CCDC178: variants seen among roughly 807,000 people sequenced by gnomAD.
CCDC178 encodes the protein coiled-coil domain containing 178.
In CCDC178, 126 loss-of-function variants were observed where a neutral mutation model predicts 117.4. The ratio of observed to expected loss-of-function variants is 1.07; its 90% CI spans 0.93 to 1.24. CCDC178 has a LOEUF of 1.24. Ranked by LOEUF, CCDC178 falls within the 50% of genes most tolerant of loss-of-function variation. CCDC178 has a pLI of 0.00. For missense variants in CCDC178, 1,030 were observed against 986.9 expected (o/e 1.04, Z -0.59); for synonymous variants, 283 against 313.4 (o/e 0.90, Z 1.02).
intron 14 of CCDC178, among the ~76,000 whole-genome samples, chr18:33,254,297 C>A (rs2059653203): frequency 6.9e-6 from 1 of 144,504 alleles, no homozygotes; most frequent in African/African-American, 2.6e-5. Flanking sequence ...CACACACACA[C>A]ACAGATACAT....
intron 9 of CCDC178, among the ~76,000 whole-genome samples, chr18:33,336,906 T>C (rs2062747913): frequency 6.6e-6 from 1 of 152,122 alleles, no homozygotes; most frequent in Non-Finnish European, 1.5e-5. Context: ...ACATGAATTT[T>C]AGGATTGCTT....
rs760813652 is a variant in CCDC178, at chr18:33,215,698, G to GA, written c.1933-4dup. 2.9e-5 allele frequency: 44 copies of GA among 1,500,566 alleles called. No homozygotes were observed. The highest frequency in any genetic ancestry group is 1.7e-4 in the Middle Eastern group (1 of 5,734). 93.0% of individuals were successfully genotyped at this position (1,500,566 alleles called of 1,614,324 possible). A position where few individuals can be genotyped will look rare whatever the true frequency, so the allele number is the denominator to read the frequency against. Reference sequence around the variant, plus strand: ...TTAAAAATTGCTGAGCGTTTACTCTGAAAAAAAATATACACAAGTGTTTAT... The same window carrying GA: ...TTAAAAATTGCTGAGCGTTTACTCTGAAAAAAAAATATACACAAGTGTTTAT... On this transcript the variant is annotated splice_polypyrimidine_tract_variant and splice_region_variant and intron_variant, in intron 18 of 22. Transcript: ENST00000383096.
chr18:33,359,830 G>A (rs1472742982), intron 6 of CCDC178, among the ~76,000 whole-genome samples: 1 of 151,276 alleles, frequency 6.6e-6, no homozygotes, highest in African/African-American at 2.4e-5. Context: ...CATTATGGGG[G>A]AAATGAAACA....
intron 7 of CCDC178, among the ~76,000 whole-genome samples, chr18:33,349,839 A>G (rs967306422): frequency 1.3e-5 from 2 of 151,832 alleles, no homozygotes; most frequent in African/African-American, 4.8e-5. Context: ...GAATAGTCTA[A>G]TGATATTTTA....
intron 21 of CCDC178, among the ~76,000 whole-genome samples, chr18:33,041,775 T>A (rs910404998): frequency 3.3e-5 from 5 of 151,716 alleles, no homozygotes; most frequent in African/African-American, 1.2e-4. Context: ...GAAGAATTGA[T>A]TGGAAAGGTA....
intron 20 of CCDC178, among the ~76,000 whole-genome samples, chr18:33,187,223 C>T (rs2058807175): frequency 6.6e-6 from 1 of 152,032 alleles, no homozygotes; most frequent in Admixed American, 6.6e-5. Context: ...TCCATCATCT[C>T]CCATCAGGTC....
chr18:32,944,157 T>C (rs1365948653), intron 22 of CCDC178, among the ~76,000 whole-genome samples: 1 of 152,156 alleles, frequency 6.6e-6, no homozygotes, highest in Admixed American at 6.5e-5. Flanking sequence ...ATAACTAGTT[T>C]ATCACAACAC....
chr18:33,246,930 T>C (rs927908705), intron 14 of CCDC178, among the ~76,000 whole-genome samples: 8 of 151,874 alleles, frequency 5.3e-5, no homozygotes, highest in African/African-American at 1.9e-4. Context: ...AAGATGACCA[T>C]AAATGGAAGA....
At chr18:33,271,074 C>T (rs993612172) in intron 12 of CCDC178, among the ~76,000 whole-genome samples, 2 of 151,252 alleles carry the variant, frequency 1.3e-5, no homozygotes, top group African/African-American at 4.8e-5. Context: ...GTGAATTCCA[C>T]TCCTAGGGCA....
At chr18:33,193,745 T>G (rs948527560) in intron 20 of CCDC178, among the ~76,000 whole-genome samples, 6 of 152,246 alleles carry the variant, frequency 3.9e-5, no homozygotes, top group Non-Finnish European at 5.9e-5. Context: ...TTATACTACC[T>G]TTTCTTGATT....
chr18:33,075,287 T>C (rs867396529), intron 21 of CCDC178, among the ~76,000 whole-genome samples: 1 of 152,330 alleles, frequency 6.6e-6, no homozygotes, highest in South Asian at 2.1e-4. Flanking sequence ...CTCCATTTAA[T>C]TTGAATATAT....
chr18:33,380,082 A>T (rs1473387557), intron 5 of CCDC178, among the ~76,000 whole-genome samples: 1 of 152,120 alleles, frequency 6.6e-6, no homozygotes, highest in Admixed American at 6.5e-5. Flanking sequence ...TGGAGTGCAG[A>T]GGGTCCTGCT....
intron 21 of CCDC178, among the ~76,000 whole-genome samples, chr18:33,072,587 A>G (rs1374026680): frequency 6.6e-6 from 1 of 152,194 alleles, no homozygotes; most frequent in Non-Finnish European, 1.5e-5. Context: ...TTGACTTAAG[A>G]TGTCCTTAAT....
chr18:33,237,212 A>T (rs1378050486), intron 15 of CCDC178, among the ~76,000 whole-genome samples: 1 of 152,058 alleles, frequency 6.6e-6, no homozygotes, highest in African/African-American at 2.4e-5. Flanking sequence ...CTACAACCCT[A>T]GCTGTGTGGA....
Position 33,397,209 on chromosome 18 carries a change from C to A in CCDC178, c.59-1G>T, listed in dbSNP as rs761995920. On this transcript the variant is annotated splice_acceptor_variant, in intron 3 of 22. Transcript: ENST00000383096. LOFTEE classifies it high-confidence loss of function. ...GCCTTTACTTCCTGACATGTTAAAC[C>A]TATAAAAGGTAAAATAAAACAAAAT... is the stretch of plus-strand genomic sequence containing the variant. 1 of 1,599,196 alleles carries A rather than the reference C, an allele frequency of 6.3e-7. No individual in the cohort carries two copies. Among genetic ancestry groups the A allele is most frequent in the South Asian group, 1.1e-5 (1 of 90,050 alleles).
chr18:33,200,754 G>C (rs992072917), intron 20 of CCDC178, among the ~76,000 whole-genome samples: 2 of 152,110 alleles, frequency 1.3e-5, no homozygotes, highest in African/African-American at 4.8e-5. Context: ...AGGTTCTAGA[G>C]AACTCTGTGC....
intron 21 of CCDC178, among the ~76,000 whole-genome samples, chr18:33,061,182 AT>A (rs2056914760): frequency 6.6e-6 from 1 of 152,002 alleles, no homozygotes; most frequent in African/African-American, 2.4e-5. Flanking sequence ...TATTTCTAGT[AT>A]TTTTTCACTA....
chr18:33,068,100 C>T (rs895154612), intron 21 of CCDC178, among the ~76,000 whole-genome samples: 2 of 151,920 alleles, frequency 1.3e-5, no homozygotes, highest in Non-Finnish European at 2.9e-5. Flanking sequence ...ACACATTCAA[C>T]CTACTAGATT....
At chr18:33,366,778 A>C (rs1328276426) in intron 6 of CCDC178, among the ~76,000 whole-genome samples, 4 of 152,032 alleles carry the variant, frequency 2.6e-5, no homozygotes, top group African/African-American at 7.2e-5. Context: ...TAACCCCTGG[A>C]AACTGGTGAA....
Sources: allele counts gnomAD v4.1 joint callset (sites outside exome capture counted in the v4.1 genomes callset), GRCh38; gene constraint gnomAD v4.1.1; transcripts MANE v1.5; gene names NCBI Gene and HGNC (gene_info 2026-07-23, HGNC 2026-07-21).